DLG2: variants seen among roughly 807,000 people sequenced by gnomAD.
The protein encoded by DLG2 is discs large MAGUK scaffold protein 2.
Under a neutral mutation model 132.5 loss-of-function variants are expected in DLG2, and 45 were observed. That is an observed-to-expected ratio of 0.34 (90% CI 0.27 to 0.44). DLG2 has a LOEUF of 0.44. DLG2 is among the 20% of genes least tolerant of loss of function. The pLI is 1.00. For synonymous variants in DLG2, 424 were observed against 419.6 expected, an observed-to-expected ratio of 1.01 and a Z score of -0.13; for missense variants, 1,045 against 1,196.9, an observed-to-expected ratio of 0.87 and a Z score of 1.87.
intron 15 of DLG2, among the ~76,000 whole-genome samples, chr11:83,928,870 C>T (rs2079553666): frequency 6.6e-6 from 1 of 152,148 alleles, no homozygotes; most frequent in Admixed American, 6.5e-5. Flanking sequence ...ATGTAGCTGA[C>T]TATAGGTACA....
At chr11:84,000,039 T>C (rs1233686545) in intron 11 of DLG2, among the ~76,000 whole-genome samples, 1 of 147,594 alleles carries the variant, frequency 6.8e-6, no homozygotes, top group Non-Finnish European at 1.5e-5. Flanking sequence ...GAAACATGAG[T>C]AAATCAATAA....
Position 83,541,704 on chromosome 11 carries a change from C to T in DLG2, c.2095G>A (p.Gly699Arg). ...TACCTCCTTTTGCTGGGGATGACCC[C>T]CATCTCCTCACTGTCTCCCTCCAGC... ...VMLEGDSEEMGVIPSKRRVER... is the reference protein window; with the variant it reads ...VMLEGDSEEMRVIPSKRRVER... Residue 699 changes from glycine (G) to arginine (R), a missense_variant, in exon 20 of 28, where the codon GGG becomes AGG. By Grantham distance (125) the Gly-to-Arg change is moderately radical (BLOSUM62 -2). Around this residue, in one of 4 missense-constraint regions of DLG2, gnomAD observed 398 missense variants for 543.6 expected, o/e 0.73. Transcript: ENST00000376104. 1 of 1,609,940 alleles carries T rather than the reference C, an allele frequency of 6.2e-7. No homozygotes were observed. The highest frequency in any genetic ancestry group is 8.5e-7 in the Non-Finnish European group (1 of 1,178,082).
chr11:83,660,547 T>C (rs2073990529), intron 18 of DLG2, among the ~76,000 whole-genome samples: 2 of 152,336 alleles, frequency 1.3e-5, no homozygotes, highest in Middle Eastern at 3.4e-3. Flanking sequence ...TATATTTTTA[T>C]GGATGGTCCC....
rs1264981243 is a variant in DLG2 at position 85,117,843 on chromosome 11, T to C, written c.283-6108A>G. 3.3e-5 allele frequency among the ~76,000 whole-genome samples: 5 copies of C among 152,138 alleles called. 1 individual carries two copies. The highest frequency in any genetic ancestry group is 4.1e-4 in the South Asian group (2 of 4,828). ...GGACTGTATTTGTGATATTAAGTGA[T>C]TGTAGGACTTTTCATTTCCTGTAAA... is the stretch of plus-strand genomic sequence containing the variant. On this transcript the variant is annotated intron_variant, in intron 5 of 27. Coordinates refer to ENST00000376104, the MANE Select transcript of DLG2 (RefSeq NM_001142699.3).
At chr11:85,427,863 T>G (rs1006355635) in intron 3 of DLG2, among the ~76,000 whole-genome samples, 6 of 152,216 alleles carry the variant, frequency 3.9e-5, no homozygotes, top group Admixed American at 2.6e-4. Flanking sequence ...CCCATCAGTG[T>G]GCTGTATTCA....
At chr11:85,313,849 T>C (rs1421822652) in intron 3 of DLG2, among the ~76,000 whole-genome samples, 4 of 151,952 alleles carry the variant, frequency 2.6e-5, no homozygotes, top group Admixed American at 6.6e-5. Flanking sequence ...CCTGCAAATA[T>C]ATATGACCTC....
At chr11:85,144,774 A>G (rs1355767463) in intron 5 of DLG2, among the ~76,000 whole-genome samples, 5 of 151,806 alleles carry the variant, frequency 3.3e-5, no homozygotes, top group South Asian at 2.1e-4. Context: ...TTTTTATACT[A>G]TCTATTTCTT....
At chr11:84,948,206 T>C (rs1298294075) in intron 6 of DLG2, among the ~76,000 whole-genome samples, 3 of 152,232 alleles carry the variant, frequency 2.0e-5, no homozygotes, top group Admixed American at 6.5e-5. Flanking sequence ...TGGAAGGCCT[T>C]CCCATAGCAG....
chr11:83,783,337 A>C (rs2094914032), intron 18 of DLG2, among the ~76,000 whole-genome samples: 2 of 152,228 alleles, frequency 1.3e-5, no homozygotes, highest in African/African-American at 4.8e-5. Context: ...TTGCCAAAGA[A>C]GACATTTATT....
At chr11:85,580,843 G>T (rs1003906417) in intron 3 of DLG2, among the ~76,000 whole-genome samples, 10 of 152,212 alleles carry the variant, frequency 6.6e-5, no homozygotes, top group Non-Finnish European at 2.9e-5. Flanking sequence ...GAGGAAGAAT[G>T]ATATTCTTTG....
intron 3 of DLG2, among the ~76,000 whole-genome samples, chr11:85,434,520 C>T (rs944175880): frequency 6.6e-6 from 1 of 152,028 alleles, no homozygotes; most frequent in African/African-American, 2.4e-5. Flanking sequence ...GAAATACAAA[C>T]TACCATCAGA....
chr11:85,333,117 G>A (rs1445273509), intron 3 of DLG2, among the ~76,000 whole-genome samples: 1 of 151,044 alleles, frequency 6.6e-6, no homozygotes, highest in Non-Finnish European at 1.5e-5. Flanking sequence ...TGTCTTCTCT[G>A]AATTCTTTCA....
intron 3 of DLG2, among the ~76,000 whole-genome samples, chr11:85,435,417 C>T (rs529147052): frequency 6.8e-4 from 103 of 152,216 alleles, no homozygotes; most frequent in Non-Finnish European, 1.1e-3. Flanking sequence ...AAAACCACAT[C>T]GTCTCAGCCC....
chr11:84,077,123 T>C lies in DLG2; in HGVS notation c.750-17639A>G, dbSNP rs2096839982. On this transcript the variant is annotated intron_variant, in intron 10 of 27. Transcript: ENST00000376104. ...TTCTAGTATCTCTTAGTTTTTAAAA[T>C]GTTGTCTTGACCTGGCATCTCCCCT... Among the ~76,000 whole-genome samples, 2 of 152,190 alleles carry C rather than the reference T, an allele frequency of 1.3e-5. 1 individual carries two copies. Among genetic ancestry groups the C allele is most frequent in the African/African-American group, 4.8e-5 (2 of 41,450 alleles).
chr11:85,569,498 A>G (rs1021359950), intron 3 of DLG2, among the ~76,000 whole-genome samples: 1 of 152,190 alleles, frequency 6.6e-6, no homozygotes, highest in African/African-American at 2.4e-5. Flanking sequence ...AGAGTGTATT[A>G]TTTAATTTCA....
chr11:83,678,536 C>T (rs1311417127), intron 18 of DLG2, among the ~76,000 whole-genome samples: 2 of 152,116 alleles, frequency 1.3e-5, no homozygotes, highest in Admixed American at 1.3e-4. Context: ...ATTTCCTACC[C>T]TCATGCAAAT....
At chr11:84,416,635 A>G (rs1332840164) in intron 7 of DLG2, among the ~76,000 whole-genome samples, 4 of 152,344 alleles carry the variant, frequency 2.6e-5, no homozygotes, top group African/African-American at 9.6e-5. Context: ...CTATCACTTA[A>G]CTGTGTGATC....
intron 12 of DLG2, among the ~76,000 whole-genome samples, chr11:83,969,558 T>A (rs1399350624): frequency 6.6e-6 from 1 of 152,136 alleles, no homozygotes; most frequent in Non-Finnish European, 1.5e-5. Flanking sequence ...TGTGCTTAGA[T>A]AATGATTTAT....
At chr11:84,371,732 A>T (rs891613481) in intron 7 of DLG2, among the ~76,000 whole-genome samples, 1 of 152,216 alleles carries the variant, frequency 6.6e-6, no homozygotes, top group Non-Finnish European at 1.5e-5. Flanking sequence ...TTAGTTAACA[A>T]AAAAGTCCTG....
Sources: gnomAD v4.1 joint callset for allele counts (sites outside exome capture counted in the v4.1 genomes callset) on GRCh38, gnomAD v4.1.1 for gene constraint, gnomAD v4.1.1 regional missense constraint, MANE v1.5 for transcripts, NCBI Gene and HGNC (gene_info 2026-07-23, HGNC 2026-07-21) for gene names.